Variants in KLB observed in about 807,000 individuals in gnomAD.
KLB encodes the protein beta-klotho.
A neutral mutation model predicts 88.4 loss-of-function variants in KLB; 44 were observed. The observed-to-expected ratio is 0.50, with a 90% CI of 0.39 to 0.64. The LOEUF (loss-of-function observed/expected upper bound fraction) is 0.64, where lower values mean the gene tolerates loss of function less well. Among genes scored for constraint, KLB ranks in the 30% least tolerant of loss-of-function variants. The probability of loss-of-function intolerance (pLI) is 0.00; values close to 1 mark genes in which losing one functional copy is unlikely to be tolerated. For missense variants in KLB, 1,137 were observed against 1,304.8 expected, an observed-to-expected ratio of 0.87 and a Z score of 1.98; for synonymous variants, 548 against 513.4, an observed-to-expected ratio of 1.07 and a Z score of -0.91.
Position 39,423,406 on chromosome 4 carries a change from G to T in KLB, c.826-10804G>T, listed in dbSNP as rs1743131324. ...GTGGAATGTAGTACCCTCATTCGAG[G>T]ACTATTTAGCTCTTTTAATAACCAA... On this transcript the variant is annotated intron_variant, in intron 1 of 4. Transcript: ENST00000257408. Among the ~76,000 whole-genome samples, 3 of 151,780 alleles carry T rather than the reference G, an allele frequency of 2.0e-5. No individual in the cohort carries two copies. The South Asian group carries it at 6.2e-4, about 31-fold the overall frequency.
intron 1 of KLB, among the ~76,000 whole-genome samples, chr4:39,413,374 T>A (rs1006453064): frequency 6.6e-6 from 1 of 152,040 alleles, no homozygotes; most frequent in Non-Finnish European, 1.5e-5. Context: ...GGAAGGTGAA[T>A]TTGCTCATGA....
intron 1 of KLB, 60 bp downstream of exon 1, chr4:39,407,834 C>T (rs1742763903): frequency 1.0e-6 from 1 of 1,000,322 alleles, no homozygotes. Flanking sequence ...TAAGAATTTA[C>T]CTTCTGCCTC....
At position 39,447,466 on chromosome 4, in the gene KLB, G is replaced by A; in HGVS notation, c.2740G>A (p.Val914Met). ...CTACCTAGGGAAGTACCTTCAGGAG[G>A]TGCTGAAAGGTAAGGGCGGGGCCCC... is the stretch of plus-strand genomic sequence containing the variant. ...KYYLGKYLQE[V>M]LKAYLIDKVR... is the part of the protein sequence containing the mutation. Residue 914 changes from valine (V) to methionine (M), a missense_variant, in exon 4 of 5, where the codon GTG becomes ATG. Physicochemically the swap from Val to Met is conservative, Grantham distance 21. Transcript: ENST00000257408. 2 of 1,574,296 alleles carry A rather than the reference G, an allele frequency of 1.3e-6. No individual in the cohort carries two copies. Among genetic ancestry groups the A allele is most frequent in the Non-Finnish European group, 1.7e-6 (2 of 1,158,734 alleles).
chr4:39,418,580 G>T (rs1283249049), intron 1 of KLB, among the ~76,000 whole-genome samples: 1 of 151,744 alleles, frequency 6.6e-6, no homozygotes, highest in African/African-American at 2.4e-5. Flanking sequence ...GATTAGCTAA[G>T]GCATGGTACC....
intron 1 of KLB, among the ~76,000 whole-genome samples, chr4:39,419,883 G>T (rs577456613): frequency 8.2e-4 from 116 of 140,790 alleles, no homozygotes; most frequent in Non-Finnish European, 1.5e-3. Flanking sequence ...GGCGGAGGTT[G>T]CAGTGAGCCA....
intron 2 of KLB, 75 bp from the exon 3 acceptor site, chr4:39,437,652 C>A (rs1250398160): frequency 6.8e-7 from 1 of 1,478,674 alleles, no homozygotes; most frequent in Admixed American, 2.1e-5. Context: ...TGTCCTCTGG[C>A]ATGTTAGTGA....
At chr4:39,422,037 C>G (rs577665027) in intron 1 of KLB, among the ~76,000 whole-genome samples, 1 of 152,276 alleles carries the variant, frequency 6.6e-6, no homozygotes, top group African/African-American at 2.4e-5. Context: ...TGAGCCACCA[C>G]GCCCGGCCGC....
rs1743780625 is a variant in KLB at position 39,447,429 on chromosome 4, G to T, written c.2703G>T (p.Arg901=). The change falls in exon 4 of 5, where the codon CGG becomes CGT. Residue 901 remains arginine, a synonymous_variant. Transcript: ENST00000257408. ...ACGACCAGGCTCTGGAGGATGACCGGCTCCGGAAGTACTACCTAGGGAAGT... is the reference window on the plus strand; with the variant it reads ...ACGACCAGGCTCTGGAGGATGACCGTCTCCGGAAGTACTACCTAGGGAAGT... ...GIDDQALEDD[R]LRKYYLGKYL... The T allele has an allele frequency of 6.2e-7, 1 of 1,609,912 alleles. No individual in the cohort carries two copies. The highest frequency in any genetic ancestry group is 8.5e-7 in the Non-Finnish European group (1 of 1,178,084).
At position 39,449,915 on chromosome 4, in the gene KLB, A is replaced by G. The variant is rs1743851707; in HGVS notation, c.*1229A>G. ...ACTCCAGCCTGGGGGACAGGGCAAG[A>G]CTGTCTCTCAAAATAAAAAAAAATA... On this transcript the variant is annotated 3_prime_UTR_variant, in exon 5 of 5. Transcript: ENST00000257408. 1 of 151,644 alleles carries G rather than the reference A, an allele frequency of 6.6e-6. No individual in the cohort carries two copies. The highest frequency in any genetic ancestry group is 1.5e-5 in the Non-Finnish European group (1 of 67,996). The allele number at this position is 151,644 out of a possible 1,614,324, so 9.4% of individuals were successfully genotyped here. A position where few individuals can be genotyped will look rare whatever the true frequency, so the allele number is the denominator to read the frequency against.
In KLB at chr4:39,445,632, G is replaced by A. The variant is rs559008875; in HGVS notation, c.1606-700G>A. Among the ~76,000 whole-genome samples, 3 of 150,140 alleles carry A rather than the reference G, an allele frequency of 2.0e-5. No individual in the cohort carries two copies. In the South Asian group the frequency reaches 6.3e-4, roughly 31 times the overall value. ...CGATTCTCCTGCCTCAGCCTCCAGA[G>A]TAGCTGGGATTACAAGCATGCGCCT... On this transcript the variant is annotated intron_variant, in intron 3 of 4. Transcript: ENST00000257408.
chr4:39,412,256 A>G (rs1742869684), intron 1 of KLB, among the ~76,000 whole-genome samples: 1 of 152,176 alleles, frequency 6.6e-6, no homozygotes. Flanking sequence ...ATGAACATTT[A>G]CATTCCAAAA....
rs188757430 is a variant in KLB, at chr4:39,423,826, A to G, written c.826-10384A>G. 5.9e-4 allele frequency among the ~76,000 whole-genome samples: 90 copies of G among 151,758 alleles called. 5 individuals carry two copies. Among genetic ancestry groups the G allele is most frequent in the African/African-American group, 2.1e-3 (86 of 41,082 alleles). ...CACTGCACGAGCCTGAGACTTTTACAATAGTGGGGAAGGATCTTTTTTTTA... is the reference window on the plus strand; with the variant it reads ...CACTGCACGAGCCTGAGACTTTTACGATAGTGGGGAAGGATCTTTTTTTTA... On this transcript the variant is annotated intron_variant, in intron 1 of 4. Coordinates refer to ENST00000257408, the MANE Select transcript of KLB (RefSeq NM_175737.4).
At chr4:39,438,238 G>C (rs766621647) in intron 3 of KLB, among the ~76,000 whole-genome samples, 2 of 152,196 alleles carry the variant, frequency 1.3e-5, no homozygotes, top group Admixed American at 1.3e-4. Context: ...TGCCCTCAAG[G>C]AGCATACAGT....
At chr4:39,444,780 T>C (rs146812937) in intron 3 of KLB, among the ~76,000 whole-genome samples, 1,979 of 152,318 alleles carry the variant, frequency 0.013, 45 homozygotes, top group African/African-American at 0.046. Flanking sequence ...AAATAATGAA[T>C]TATATACGGA....
chr4:39,444,240 A>C (rs1743684949), intron 3 of KLB, among the ~76,000 whole-genome samples: 3 of 152,302 alleles, frequency 2.0e-5, no homozygotes, highest in African/African-American at 7.2e-5. Context: ...AAAATGGTAA[A>C]TTTCTAATCG....
intron 1 of KLB, chr4:39,412,013 G>A (rs1328329859): frequency 6.6e-6 from 1 of 151,478 alleles, no homozygotes; most frequent in Non-Finnish European, 1.5e-5. Flanking sequence ...TATACAGAAT[G>A]ATATATACCT....
In KLB at chr4:39,450,460, AT is replaced by A. The variant is rs1358419779; in HGVS notation, c.*1776del. 1 of 152,198 alleles carries A rather than the reference AT, an allele frequency of 6.6e-6. No homozygotes were observed. Among genetic ancestry groups the A allele is most frequent in the Non-Finnish European group, 1.5e-5 (1 of 68,040 alleles). 9.4% of individuals were successfully genotyped at this position (152,198 alleles called of 1,614,324 possible). A position where few individuals can be genotyped will look rare whatever the true frequency, so the allele number is the denominator to read the frequency against. On this transcript the variant is annotated 3_prime_UTR_variant, in exon 5 of 5. Coordinates refer to ENST00000257408, the MANE Select transcript of KLB (RefSeq NM_175737.4). ...GTTTCCAAAATACTGTAAAAATACA[AT>A]TAGTCAATTTGAGTAAATGCAAATA...
At chr4:39,431,526 C>T (rs886338728) in intron 1 of KLB, among the ~76,000 whole-genome samples, 2 of 152,164 alleles carry the variant, frequency 1.3e-5, no homozygotes, top group South Asian at 4.1e-4. Context: ...GCTGGGATTA[C>T]AGGCATGAGC....
chr4:39,447,096 T>C lies in KLB; in HGVS notation c.2370T>C (p.Ile790=), dbSNP rs2109846479. Residue 790 remains isoleucine (I), a synonymous_variant, in exon 4 of 5, where the codon ATT becomes ATC. Coordinates refer to ENST00000257408, the MANE Select transcript of KLB (RefSeq NM_175737.4). ...ACCCCGCGGCCATGAGGGAATACAT[T>C]GCCTCCAAGCACCGACGGGGGCTTT... ...GDYPAAMREY[I]ASKHRRGLSS... 2 of 1,613,262 alleles carry C rather than the reference T, an allele frequency of 1.2e-6. No individual in the cohort carries two copies. Among genetic ancestry groups the C allele is most frequent in the East Asian group, 2.2e-5 (1 of 44,874 alleles).
Sources: gnomAD v4.1 joint callset for allele counts (sites outside exome capture counted in the v4.1 genomes callset) on GRCh38, gnomAD v4.1.1 for gene constraint, MANE v1.5 for transcripts, NCBI Gene and HGNC (gene_info 2026-07-23, HGNC 2026-07-21) for gene names.